CRTAC1: variants seen among roughly 807,000 people sequenced by gnomAD.
The protein encoded by CRTAC1 is cartilage acidic protein 1, also known as acidic secreted protein in cartilage.
Under a neutral mutation model 67.8 loss-of-function variants are expected in CRTAC1, and 37 were observed. That is an observed-to-expected ratio of 0.55 (90% CI 0.42 to 0.72). CRTAC1 has a LOEUF of 0.72. Among genes scored for constraint, CRTAC1 ranks in the 30% least tolerant of loss-of-function variants. CRTAC1 has a pLI of 0.00. For synonymous variants in CRTAC1, 348 were observed against 371.0 expected (o/e 0.94, Z 0.71); for missense variants, 780 against 931.6 (o/e 0.84, Z 2.12).
chr10:97,947,707 C>T lies in CRTAC1; in HGVS notation c.225-11341G>A, dbSNP rs137944443. Reference sequence around the variant, plus strand: ...GGGAACTTAAAGACAGAAGCATGGTCTTGGTGTACTGGGCAACTAAGATTG... The same window carrying T: ...GGGAACTTAAAGACAGAAGCATGGTTTTGGTGTACTGGGCAACTAAGATTG... On this transcript the variant is annotated intron_variant, in intron 2 of 14. Coordinates refer to ENST00000370597, the MANE Select transcript of CRTAC1 (RefSeq NM_018058.7). Among the ~76,000 whole-genome samples, 14 of 152,266 alleles carry T rather than the reference C, an allele frequency of 9.2e-5. No homozygotes were observed. The East Asian group carries it at 2.3e-3, about 25-fold the overall frequency.
chr10:97,988,706 C>T (rs1221888318), intron 2 of CRTAC1, among the ~76,000 whole-genome samples: 1 of 152,090 alleles, frequency 6.6e-6, no homozygotes, highest in Non-Finnish European at 1.5e-5. Context: ...GGCAACAGAG[C>T]AAGACTCCGT....
chr10:97,935,424 C>T (rs2051071163), intron 3 of CRTAC1, among the ~76,000 whole-genome samples: 2 of 152,202 alleles, frequency 1.3e-5, no homozygotes, highest in African/African-American at 4.8e-5. Flanking sequence ...GACCTTGTTA[C>T]TCAAAGTGTG....
At chr10:97,876,248 T>C (rs1033285959) in intron 14 of CRTAC1, among the ~76,000 whole-genome samples, 4 of 152,212 alleles carry the variant, frequency 2.6e-5, no homozygotes, top group African/African-American at 9.7e-5. Context: ...CTGGGCTGTA[T>C]GACCCTGCAC....
At chr10:97,917,705 C>T (rs2050779634) in intron 4 of CRTAC1, 49 bp from the exon 5 acceptor site, 6 of 1,424,898 alleles carry the variant, frequency 4.2e-6, no homozygotes, top group Non-Finnish European at 5.6e-6. Flanking sequence ...TTGGCTCATC[C>T]CAGAAACCGC....
At chr10:97,996,798 A>G (rs1355561059) in intron 2 of CRTAC1, among the ~76,000 whole-genome samples, 2 of 152,150 alleles carry the variant, frequency 1.3e-5, no homozygotes, top group East Asian at 3.9e-4. Context: ...TGTTTATTGC[A>G]GCACTATTCA....
At chr10:97,865,755 C>T in intron 14 of CRTAC1, 41 bp from the exon 15 acceptor site, 1 of 1,467,756 alleles carries the variant, frequency 6.8e-7, no homozygotes, top group Non-Finnish European at 9.1e-7. Context: ...CCTTGCAGAC[C>T]TGCGGCGGCT....
At chr10:98,009,774 G>T (rs943613302) in intron 2 of CRTAC1, among the ~76,000 whole-genome samples, 1 of 152,196 alleles carries the variant, frequency 6.6e-6, no homozygotes, top group Non-Finnish European at 1.5e-5. Context: ...TTGATTGACT[G>T]ATTTTTGAAG....
intron 4 of CRTAC1, among the ~76,000 whole-genome samples, chr10:97,922,150 C>T (rs772726699): frequency 3.9e-5 from 6 of 152,130 alleles, no homozygotes; most frequent in Non-Finnish European, 8.8e-5. Context: ...CCCCCCAGCT[C>T]CACCCCACAC....
intron 2 of CRTAC1, among the ~76,000 whole-genome samples, chr10:97,985,500 C>T (rs138606209): frequency 1.3e-5 from 2 of 152,218 alleles, no homozygotes; most frequent in East Asian, 1.9e-4. Context: ...TCTCCTTGTC[C>T]TAATGAAGAG....
rs150376126 is a variant in CRTAC1 at position 97,984,659 on chromosome 10, C to T, written c.224+26479G>A. ...GGTCATCTCAAATGCAAAACTCCTG[C>T]ACTCTTTGAGGGTTGGCAGCACCAC... On this transcript the variant is annotated intron_variant, in intron 2 of 14. Transcript: ENST00000370597. 2.0e-5 allele frequency among the ~76,000 whole-genome samples: 3 copies of T among 152,322 alleles called. No individual in the cohort carries two copies. In the East Asian group the frequency reaches 5.8e-4, roughly 29 times the overall value.
intron 1 of CRTAC1, among the ~76,000 whole-genome samples, chr10:98,011,687 ATC>A (rs1842912276): frequency 6.6e-6 from 1 of 152,310 alleles, no homozygotes; most frequent in African/African-American, 2.4e-5. Flanking sequence ...TTGGGCAAGG[ATC>A]TCTGTTTTAT....
intron 14 of CRTAC1, 40 bp downstream of exon 14, chr10:97,880,209 C>A: frequency 6.2e-7 from 1 of 1,606,334 alleles, no homozygotes; most frequent in Non-Finnish European, 8.5e-7. Flanking sequence ...TGGAAAGCAA[C>A]ATCCTTTTGC....
chr10:97,870,948 G>T (rs987163842), intron 14 of CRTAC1: 3 of 152,216 alleles, frequency 2.0e-5, no homozygotes, highest in African/African-American at 7.2e-5. Context: ...AAAGGGGTAT[G>T]CAACCCCCTA....
At chr10:97,977,093 G>A (rs1374023037) in intron 2 of CRTAC1, among the ~76,000 whole-genome samples, 1 of 152,206 alleles carries the variant, frequency 6.6e-6, no homozygotes, top group Non-Finnish European at 1.5e-5. Flanking sequence ...TGGTATTCAT[G>A]TGCAATTTAC....
At chr10:97,938,967 C>G (rs1463302156) in intron 2 of CRTAC1, among the ~76,000 whole-genome samples, 2 of 152,192 alleles carry the variant, frequency 1.3e-5, no homozygotes, top group Admixed American at 6.5e-5. Context: ...ATTCCAGAGC[C>G]AGAGTTTAAA....
intron 2 of CRTAC1, among the ~76,000 whole-genome samples, chr10:97,971,597 A>G (rs2051713916): frequency 6.6e-6 from 1 of 152,244 alleles, no homozygotes; most frequent in African/African-American, 2.4e-5. Context: ...ATGGTTGCAC[A>G]ACAACGTGGA....
chr10:97,926,753 G>A (rs1433361926), intron 3 of CRTAC1, among the ~76,000 whole-genome samples: 1 of 152,212 alleles, frequency 6.6e-6, no homozygotes, highest in Non-Finnish European at 1.5e-5. Context: ...CACTTGAAGT[G>A]TTCAGAGGGT....
At chr10:97,957,209 A>G (rs934026180) in intron 2 of CRTAC1, among the ~76,000 whole-genome samples, 5 of 152,148 alleles carry the variant, frequency 3.3e-5, no homozygotes, top group African/African-American at 7.2e-5. Context: ...TGGCATTGGC[A>G]GTCTCTCTGG....
At chr10:97,959,821 C>A (rs1040514124) in intron 2 of CRTAC1, among the ~76,000 whole-genome samples, 5 of 152,212 alleles carry the variant, frequency 3.3e-5, no homozygotes, top group Non-Finnish European at 7.3e-5. Context: ...CAGGTGCCTT[C>A]CCTATTGAGG....
Sources: allele counts gnomAD v4.1 joint callset (sites outside exome capture counted in the v4.1 genomes callset), GRCh38; gene constraint gnomAD v4.1.1; transcripts MANE v1.5; gene names NCBI Gene and HGNC (gene_info 2026-07-23, HGNC 2026-07-21).